Variants in VIPR1 observed in about 807,000 individuals in gnomAD.
VIPR1 encodes vasoactive intestinal peptide receptor 1.
Under a neutral mutation model 58.8 loss-of-function variants are expected in VIPR1, and 59 were observed. The ratio of observed to expected loss-of-function variants is 1.00; its 90% confidence interval spans 0.81 to 1.25. The LOEUF is 1.25. Among genes scored for constraint, VIPR1 ranks in the 50% most tolerant of loss-of-function variants. The probability of loss-of-function intolerance (pLI) is 0.00; values close to 1 mark genes in which losing one functional copy is unlikely to be tolerated. For synonymous variants in VIPR1, 251 were observed against 242.1 expected (o/e 1.04, Z -0.34); for missense variants, 626 against 602.7 (o/e 1.04, Z -0.40).
intron 12 of VIPR1, 121 bp from the exon 13 acceptor site, chr3:42,535,969 T>G (rs896096192): frequency 1.6e-6 from 2 of 1,251,308 alleles, no homozygotes; most frequent in African/African-American, 3.1e-5. Context: ...TAGGGGTCCC[T>G]CCATTTTGAT....
At position 42,531,485 on chromosome 3, in the gene VIPR1, T is replaced by C; in HGVS notation, c.805T>C (p.Phe269Leu). The C allele has an allele frequency of 1.3e-6, 2 of 1,587,968 alleles. No homozygotes were observed. Among genetic ancestry groups the C allele is most frequent in the Non-Finnish European group, 1.7e-6 (2 of 1,166,050 alleles). Residue 269 changes from phenylalanine to leucine, a missense_variant, in exon 8 of 13, where the codon TTC becomes CTC. Phe to Leu is a conservative substitution (Grantham distance 22). Transcript: ENST00000325123. ...ILIGWGVPST[F>L]TMVWTIARIH... ...GGGCCTGACAGGGGTACCCAGCACA[T>C]TCACCATGGTGTGGACCATCGCCAG...
At chr3:42,498,588 G>A (rs570280151), upstream of VIPR1, among the ~76,000 whole-genome samples, 7 of 152,258 alleles carry the variant, frequency 4.6e-5, no homozygotes, top group East Asian at 1.4e-3. Flanking sequence ...ACCAGGAATA[G>A]CCATTTCAGA....
intron 9 of VIPR1, 30 bp downstream of exon 9, chr3:42,531,899 G>C: frequency 1.2e-6 from 2 of 1,613,794 alleles, no homozygotes; most frequent in Non-Finnish European, 1.7e-6. Context: ...CCTAGAGATG[G>C]GGAAACAGGC....
chr3:42,512,522 G>A (rs1164101557), intron 1 of VIPR1, among the ~76,000 whole-genome samples: 1 of 152,114 alleles, frequency 6.6e-6, no homozygotes, highest in Non-Finnish European at 1.5e-5. Context: ...TTAAAGGAAG[G>A]TCCCCCACCT....
At chr3:42,491,560 T>C (rs921639596) in intron 1 of VIPR1, among the ~76,000 whole-genome samples, 1 of 150,212 alleles carries the variant, frequency 6.7e-6, no homozygotes, top group South Asian at 2.1e-4. Context: ...TCTTTCTTTA[T>C]TTTTTGTTTG....
intron 2 of VIPR1, 22 bp downstream of exon 2, chr3:42,513,876 A>G: frequency 1.3e-6 from 2 of 1,549,912 alleles, no homozygotes; most frequent in Middle Eastern, 3.3e-4. Flanking sequence ...ATGGGCAGAG[A>G]GGGGCTGCAT....
chr3:42,529,048 C>A (rs1026868162), intron 6 of VIPR1, among the ~76,000 whole-genome samples: 4 of 152,198 alleles, frequency 2.6e-5, no homozygotes, highest in South Asian at 2.1e-4. Flanking sequence ...TGTGGAGGAA[C>A]CTGCTGCCTC....
At chr3:42,497,911 A>C (rs1017093695), upstream of VIPR1, among the ~76,000 whole-genome samples, 2 of 152,180 alleles carry the variant, frequency 1.3e-5, no homozygotes, top group South Asian at 4.1e-4. Context: ...TCAGTGTGCA[A>C]ACAGAATAAT....
chr3:42,527,610 A>G, intron 5 of VIPR1, 114 bp downstream of exon 5: 1 of 980,788 alleles, frequency 1.0e-6, no homozygotes, highest in South Asian at 1.4e-5. Context: ...GCCCCCCAGC[A>G]GCACATACTC....
intron 1 of VIPR1, among the ~76,000 whole-genome samples, chr3:42,496,128 T>A (rs1018186007): frequency 5.9e-5 from 9 of 152,086 alleles, no homozygotes; most frequent in African/African-American, 2.2e-4. Flanking sequence ...TCCCAGCTAC[T>A]CGGGAGGCTG....
chr3:42,517,945 C>T (rs1347523905), intron 2 of VIPR1, among the ~76,000 whole-genome samples: 2 of 152,018 alleles, frequency 1.3e-5, no homozygotes, highest in African/African-American at 2.4e-5. Context: ...CATTGTACTC[C>T]AGCCTGGGCG....
intron 2 of VIPR1, among the ~76,000 whole-genome samples, chr3:42,518,417 C>T (rs953040311): frequency 1.3e-5 from 2 of 152,168 alleles, no homozygotes; most frequent in African/African-American, 2.4e-5. Context: ...TCCTGGAAAA[C>T]TCCATGTATG....
Position 42,536,253 on chromosome 3 carries a change from G to A in VIPR1, c.1346G>A (p.Ser449Asn), listed in dbSNP as rs1353747157. Residue 449 changes from serine (S) to asparagine (N), a missense_variant, in exon 13 of 13, where the codon AGC becomes AAC. Physicochemically the swap from Ser to Asn is conservative, Grantham distance 46. Coordinates refer to ENST00000325123, the MANE Select transcript of VIPR1 (RefSeq NM_004624.4). ...RVSPGARRSS[S>N]FQAEVSLV ...AGCCCAGGTGCCCGCCGCTCCTCCA[G>A]CTTCCAAGCCGAAGTCTCCCTGGTC... The A allele has an allele frequency of 3.2e-6, 5 of 1,582,200 alleles. No homozygotes were observed. The highest frequency in any genetic ancestry group is 4.3e-6 in the Non-Finnish European group (5 of 1,169,618).
chr3:42,503,656 C>G (rs1300199290), intron 1 of VIPR1, among the ~76,000 whole-genome samples: 8 of 152,142 alleles, frequency 5.3e-5, no homozygotes, highest in African/African-American at 1.7e-4. Flanking sequence ...TCATCTCACT[C>G]TAGAACAGGG....
At chr3:42,530,585 C>A in intron 6 of VIPR1, 194 bp from the exon 7 acceptor site, 1 of 592,904 alleles carries the variant, frequency 1.7e-6, no homozygotes. Context: ...ACCAGTTTAT[C>A]CCGAAGTATC....
At chr3:42,530,500 T>C (rs151081418) in intron 6 of VIPR1, 3 of 372,154 alleles carry the variant, frequency 8.1e-6, no homozygotes, top group African/African-American at 2.0e-5. Context: ...GGTGGGTAGA[T>C]GATTGAATGG....
At position 42,536,344 on chromosome 3, in the gene VIPR1, G is replaced by T; in HGVS notation, c.*63G>T. 5 of 1,446,768 alleles carry T rather than the reference G, an allele frequency of 3.5e-6. No individual in the cohort carries two copies. The highest frequency in any genetic ancestry group is 4.5e-6 in the Non-Finnish European group (5 of 1,105,982). The allele number at this position is 1,446,768 out of a possible 1,614,324, so 89.6% of individuals were successfully genotyped here. A position where few individuals can be genotyped will look rare whatever the true frequency, so the allele number is the denominator to read the frequency against. On this transcript the variant is annotated 3_prime_UTR_variant, in exon 13 of 13. Coordinates refer to ENST00000325123, the MANE Select transcript of VIPR1 (RefSeq NM_004624.4). The stretch of plus-strand genomic sequence containing the variant: ...CCCCTTCCCACTCACCCCGGCAGAC[G>T]CCGGGGACAGAGGCCTGCCCGGGCG...
intron 1 of VIPR1, among the ~76,000 whole-genome samples, chr3:42,489,914 T>TAC (rs892042305): frequency 6.6e-6 from 1 of 151,972 alleles, no homozygotes; most frequent in Non-Finnish European, 1.5e-5. Context: ...CACCATAGGT[T>TAC]ACACACACAC....
intron 7 of VIPR1, 80 bp from the exon 8 acceptor site, chr3:42,531,391 T>C (rs1701541913): frequency 1.4e-6 from 2 of 1,454,198 alleles, no homozygotes; most frequent in Non-Finnish European, 9.4e-7. Context: ...TCCCTGCTTT[T>C]CTCCAAAATC....
Sources: allele counts gnomAD v4.1 joint callset (sites outside exome capture counted in the v4.1 genomes callset), GRCh38; gene constraint gnomAD v4.1.1; transcripts MANE v1.5; gene names NCBI Gene and HGNC (gene_info 2026-07-23, HGNC 2026-07-21).